The following NPHP1 variants were observed in gnomAD, a reference collection of about 807,000 sequenced individuals.
The protein encoded by NPHP1 is nephrocystin-1.
NPHP1 carries 70 observed loss-of-function variants against 90.4 expected under a neutral mutation model. The observed-to-expected ratio is 0.77, with a 90% CI of 0.64 to 0.95. The LOEUF (loss-of-function observed/expected upper bound fraction) is 0.95, where lower values mean the gene tolerates loss of function less well. Ranked by LOEUF, NPHP1 falls within the 40% of genes least tolerant of loss-of-function variation. The pLI, the probability that NPHP1 is intolerant of heterozygous loss-of-function variation, is 0.00. For synonymous variants in NPHP1, 256 were observed against 271.7 expected (o/e 0.94, Z 0.57); for missense variants, 764 against 795.9 (o/e 0.96, Z 0.48).
At chr2:110,197,536 C>T (rs1685256492) in intron 2 of NPHP1, among the ~76,000 whole-genome samples, 1 of 152,032 alleles carries the variant, frequency 6.6e-6, no homozygotes, top group Non-Finnish European at 1.5e-5. Context: ...ACATAAAACA[C>T]GTATATTGGG....
chr2:110,152,449 A>G (rs1202115754), intron 11 of NPHP1, among the ~76,000 whole-genome samples: 7 of 152,084 alleles, frequency 4.6e-5, no homozygotes, highest in African/African-American at 1.7e-4. Context: ...AATAGAAGAT[A>G]GAAGAGTAAA....
At chr2:110,138,152 C>T (rs968395561) in intron 16 of NPHP1, among the ~76,000 whole-genome samples, 1 of 145,752 alleles carries the variant, frequency 6.9e-6, no homozygotes, top group Non-Finnish European at 1.5e-5. Flanking sequence ...GGAAGGGGAA[C>T]ATCATACACC....
At chr2:110,131,485 T>C (rs1679770141) in intron 17 of NPHP1, among the ~76,000 whole-genome samples, 194 bp downstream of exon 17, 1 of 152,180 alleles carries the variant, frequency 6.6e-6, no homozygotes, top group African/African-American at 2.4e-5. Flanking sequence ...AAGAACTGAA[T>C]ATGTGTCGAG....
At chr2:110,200,102 A>G (rs1045745939) in intron 2 of NPHP1, among the ~76,000 whole-genome samples, 2 of 151,898 alleles carry the variant, frequency 1.3e-5, no homozygotes, top group Non-Finnish European at 2.9e-5. Flanking sequence ...AAAAATACAA[A>G]AAATTAGCCA....
At position 110,131,745 on chromosome 2, in the gene NPHP1, A is replaced by C; in HGVS notation, c.1576T>G (p.Leu526Val). ...LIGNMCSIHL[L>V]IFYRQILGDV... ...CCAAGAATTTGTCGATAAAATATCA[A>C]CAAGTGAATAGAACACATATTTCCA... The change falls in exon 17 of 20, where the codon TTG becomes GTG. Residue 526 changes from leucine to valine, a missense_variant. Physicochemically the swap from Leu to Val is conservative, Grantham distance 32. Coordinates refer to ENST00000445609, the MANE Select transcript of NPHP1 (RefSeq NM_001128178.3). 1 of 1,613,094 alleles carries C rather than the reference A, an allele frequency of 6.2e-7. No individual in the cohort carries two copies. Among genetic ancestry groups the C allele is most frequent in the African/African-American group, 1.3e-5 (1 of 75,044 alleles).
chr2:110,202,099 T>C (rs1301049361), intron 1 of NPHP1, among the ~76,000 whole-genome samples: 2 of 152,206 alleles, frequency 1.3e-5, no homozygotes, highest in African/African-American at 4.8e-5. Flanking sequence ...CATATTGTTG[T>C]GTGTACCATT....
chr2:110,198,362 T>C (rs1685310737), intron 2 of NPHP1, among the ~76,000 whole-genome samples: 8 of 152,132 alleles, frequency 5.3e-5, no homozygotes. Context: ...TATTATTGTG[T>C]TATATTGTGT....
intron 2 of NPHP1, chr2:110,185,272 G>T: frequency 2.2e-6 from 1 of 463,086 alleles, no homozygotes; most frequent in Non-Finnish European, 4.3e-6. Flanking sequence ...AATTGCCTGT[G>T]TGTGTGAGTG....
At chr2:110,150,319 T>C (rs1681371088) in intron 11 of NPHP1, 63 bp from the exon 12 acceptor site, 6 of 1,485,620 alleles carry the variant, frequency 4.0e-6, no homozygotes, top group East Asian at 4.5e-5. Context: ...ACCATTTCCA[T>C]GTCCCAAAGA....
intron 14 of NPHP1, among the ~76,000 whole-genome samples, chr2:110,146,165 G>A (rs1681032131): frequency 6.6e-6 from 1 of 152,072 alleles, no homozygotes; most frequent in South Asian, 2.1e-4. Context: ...TGAATTTCTT[G>A]TTTATATCCT....
At chr2:110,184,622 C>T in intron 2 of NPHP1, 1 of 956,590 alleles carries the variant, frequency 1.0e-6, no homozygotes, top group Non-Finnish European at 1.7e-6. Flanking sequence ...CAAGCTGGAA[C>T]ATCTCTCGCT....
chr2:110,150,324 C>T, intron 11 of NPHP1, 68 bp from the exon 12 acceptor site: 1 of 1,454,622 alleles, frequency 6.9e-7, no homozygotes, highest in East Asian at 2.3e-5. Flanking sequence ...TTCCATGTCC[C>T]AAAGAGTTAA....
intron 2 of NPHP1, among the ~76,000 whole-genome samples, chr2:110,199,036 T>G (rs569448284): frequency 4.5e-4 from 68 of 151,662 alleles, no homozygotes; most frequent in Admixed American, 7.9e-4. Flanking sequence ...AAAAAAAGCC[T>G]CCTAGTCATG....
intron 1 of NPHP1, among the ~76,000 whole-genome samples, chr2:110,203,008 C>T (rs552468913): frequency 1.3e-5 from 2 of 152,222 alleles, no homozygotes; most frequent in East Asian, 3.9e-4. Flanking sequence ...ATAGCAAAGA[C>T]ATGGAATCAA....
In NPHP1 at chr2:110,146,814, A is replaced by T. The variant is rs1198293047; in HGVS notation, c.1291T>A (p.Leu431Ile). The part of the protein sequence containing the change: ...IRNSTGERGE[L>I]SCGWVFLKLF... The stretch of plus-strand genomic sequence containing the variant: ...TTAAGAAACACCCAGCCACAGCTTA[A>T]CTCTCCTCTTTCACCAGTTGACTAG... The change falls in exon 14 of 20, where the codon TTA (leucine) becomes ATA (isoleucine). Residue 431 changes from leucine to isoleucine, a missense_variant. Leu to Ile is a conservative substitution (Grantham distance 5, BLOSUM62 2). Transcript: ENST00000445609. The T allele has an allele frequency of 6.2e-7, 1 of 1,613,376 alleles. No individual in the cohort carries two copies. Among genetic ancestry groups the T allele is most frequent in the South Asian group, 1.1e-5 (1 of 91,066 alleles).
intron 2 of NPHP1, among the ~76,000 whole-genome samples, chr2:110,180,372 CATG>C (rs927519027): frequency 2.0e-5 from 3 of 147,594 alleles, no homozygotes; most frequent in African/African-American, 5.0e-5. Flanking sequence ...AGCTATAGCT[CATG>C]ATGAGATTTT....
At chr2:110,148,232 G>T (rs1419013392) in intron 12 of NPHP1, among the ~76,000 whole-genome samples, 1 of 151,950 alleles carries the variant, frequency 6.6e-6, no homozygotes, top group African/African-American at 2.4e-5. Flanking sequence ...TCGTTCTCAG[G>T]AGATCAGTTT....
intron 2 of NPHP1, chr2:110,184,224 T>G (rs1383381671): frequency 2.6e-5 from 15 of 572,790 alleles, no homozygotes; most frequent in Non-Finnish European, 1.0e-5. Flanking sequence ...AGGTGACATC[T>G]TCATTGGCTT....
At chr2:110,160,057 T>C in intron 11 of NPHP1, 70 bp downstream of exon 11, 2 of 1,532,844 alleles carry the variant, frequency 1.3e-6, no homozygotes, top group Non-Finnish European at 9.0e-7. Context: ...AGGAGTTGAA[T>C]GGAAAAGAAT....
Sources: allele counts gnomAD v4.1 joint callset (sites outside exome capture counted in the v4.1 genomes callset), GRCh38; gene constraint gnomAD v4.1.1; transcripts MANE v1.5; gene names NCBI Gene and HGNC (gene_info 2026-07-23, HGNC 2026-07-21).